KDM5A: variants seen among roughly 807,000 people sequenced by gnomAD.
KDM5A encodes lysine demethylase 5A, also known as lysine-specific demethylase 5A.
Under a neutral mutation model 193.5 loss-of-function variants are expected in KDM5A, and 42 were observed. That is an observed-to-expected ratio of 0.22 (90% CI 0.17 to 0.28). KDM5A has a LOEUF of 0.28. Ranked by LOEUF, KDM5A falls within the 10% of genes least tolerant of loss-of-function variation. KDM5A has a pLI of 1.00. For synonymous variants in KDM5A, 796 were observed against 718.1 expected (o/e 1.11, Z -1.73); for missense variants, 1,692 against 2,055.1 (o/e 0.82, Z 3.42).
intron 19 of KDM5A, among the ~76,000 whole-genome samples, chr12:314,551 G>T (rs1386223244): frequency 6.6e-6 from 1 of 152,016 alleles, no homozygotes; most frequent in Non-Finnish European, 1.5e-5. Flanking sequence ...GATGCTCTGT[G>T]GTAAGTGTAA....
Position 297,205 on chromosome 12 carries a change from AG to A in KDM5A, c.4075-6del, listed in dbSNP as rs1448972840. On this transcript the variant is annotated splice_region_variant and splice_polypyrimidine_tract_variant and intron_variant, in intron 24 of 27. Transcript: ENST00000399788. ...GGACTTCACACTGGCTGTGTCCTGAAGAAGAAACAAAGAGAAGTATTCAGAA... is the reference window on the plus strand; with the variant it reads ...GGACTTCACACTGGCTGTGTCCTGAAAAGAAACAAAGAGAAGTATTCAGAA... 1 of 1,613,750 alleles carries A rather than the reference AG, an allele frequency of 6.2e-7. No individual in the cohort carries two copies. Among genetic ancestry groups the A allele is most frequent in the Non-Finnish European group, 8.5e-7 (1 of 1,179,818 alleles).
Position 356,516 on chromosome 12 carries a change from T to G in KDM5A, c.694A>C (p.Arg232=). The part of the protein sequence containing the change: ...KTQSESGDVS[R]NTELKKLQIF... ...TGAAGTTTCTTCAGTTCCGTGTTTC[T>G]ACTCACATCTCCAGATTCTGACTAA... Residue 232 remains arginine, a synonymous_variant, in exon 6 of 28, where the codon AGA becomes CGA. Transcript: ENST00000399788. 6.2e-7 allele frequency: 1 copy of G among 1,612,218 alleles called. No homozygotes were observed. Among genetic ancestry groups the G allele is most frequent in the Non-Finnish European group, 8.5e-7 (1 of 1,178,224 alleles).
At chr12:310,280 C>T (rs1943566982) in intron 21 of KDM5A, among the ~76,000 whole-genome samples, 1 of 152,194 alleles carries the variant, frequency 6.6e-6, no homozygotes, top group Admixed American at 6.5e-5. Flanking sequence ...CTATGTTCAA[C>T]TGCTCAAGAT....
chr12:291,628 C>T (rs1943295492), intron 27 of KDM5A, among the ~76,000 whole-genome samples: 1 of 152,142 alleles, frequency 6.6e-6, no homozygotes, highest in Admixed American at 6.5e-5. Context: ...AACAGTGATG[C>T]AGTTTTATTT....
chr12:329,700 T>G (rs906404003), intron 13 of KDM5A, among the ~76,000 whole-genome samples: 1 of 152,158 alleles, frequency 6.6e-6, no homozygotes, highest in African/African-American at 2.4e-5. Context: ...AATAAATAAC[T>G]GATCACTTTT....
At position 282,514 on chromosome 12, in the gene KDM5A, T is replaced by A. The variant is rs1349535426; in HGVS notation, c.*2942A>T. 4.3e-6 allele frequency: 1 copy of A among 233,062 alleles called. No individual in the cohort carries two copies. Among genetic ancestry groups the A allele is most frequent in the Non-Finnish European group, 8.5e-6 (1 of 117,980 alleles). 14.4% of individuals were successfully genotyped at this position (233,062 alleles called of 1,614,324 possible). A position where few individuals can be genotyped will look rare whatever the true frequency, so the allele number is the denominator to read the frequency against. ...TACCTATCAGGAAGCAAAATAAACA[T>A]CTGTGGAAGAAAAATCTCCTGTCTT... On this transcript the variant is annotated 3_prime_UTR_variant, in exon 28 of 28. Coordinates refer to ENST00000399788, the MANE Select transcript of KDM5A (RefSeq NM_001042603.3).
intron 10 of KDM5A, among the ~76,000 whole-genome samples, chr12:342,984 T>C (rs1467296818): frequency 6.6e-6 from 1 of 152,148 alleles, no homozygotes; most frequent in Non-Finnish European, 1.5e-5. Flanking sequence ...CACCTCACCC[T>C]GGAAGAACAA....
In KDM5A at chr12:352,331, A is replaced by C. The variant is rs374627202; in HGVS notation, c.1030-7T>G. On this transcript the variant is annotated splice_polypyrimidine_tract_variant and splice_region_variant and intron_variant, in intron 8 of 27. Coordinates refer to ENST00000399788, the MANE Select transcript of KDM5A (RefSeq NM_001042603.3). ...CTCGAGGTTTGCTACATTCCTGGAA[A>C]GAAAAAATATGTAAGATTAACTTAC... is the stretch of plus-strand genomic sequence containing the variant. 5.0e-6 allele frequency: 8 copies of C among 1,612,784 alleles called. No individual in the cohort carries two copies. The highest frequency in any genetic ancestry group is 1.7e-5 in the Admixed American group (1 of 60,020).
intron 27 of KDM5A, among the ~76,000 whole-genome samples, chr12:291,351 T>C (rs1225778756): frequency 6.6e-6 from 1 of 152,220 alleles, no homozygotes; most frequent in Non-Finnish European, 1.5e-5. Flanking sequence ...TCATTTAGTT[T>C]TGGAATGTGT....
intron 8 of KDM5A, 81 bp from the exon 9 acceptor site, chr12:352,405 T>G: frequency 7.8e-7 from 1 of 1,287,718 alleles, no homozygotes; most frequent in Non-Finnish European, 1.1e-6. Context: ...CTAAATTCTT[T>G]GATCATTTCC....
intron 5 of KDM5A, among the ~76,000 whole-genome samples, chr12:359,107 T>TA: frequency 6.6e-6 from 1 of 151,886 alleles, no homozygotes; most frequent in African/African-American, 2.4e-5. Context: ...AGAATAAAAT[T>TA]AAACTCCCAA....
Position 295,628 on chromosome 12 carries a change from C to T in KDM5A, c.4400G>A (p.Arg1467Gln), listed in dbSNP as rs371387810. 13 of 1,613,930 alleles carry T rather than the reference C, an allele frequency of 8.1e-6. No homozygotes were observed. The highest frequency in any genetic ancestry group is 1.1e-5 in the Non-Finnish European group (13 of 1,180,008). Residue 1467 changes from arginine to glutamine, a missense_variant, in exon 26 of 28, where the codon CGG becomes CAG. Arg to Gln is a conservative substitution (Grantham distance 43, BLOSUM62 1). Around this residue, in one of 11 missense-constraint regions of KDM5A, gnomAD observed 965 missense variants for 1,061.0 expected, o/e 0.91. Coordinates refer to ENST00000399788, the MANE Select transcript of KDM5A (RefSeq NM_001042603.3). ...GGGTGGGTGTGTGGCCTGCAAAATC[C>T]GCCATATGTGTTGAGTCTCGTCCAG... ...VSLDETQHIW[R>Q]ILQATHPPSE...
intron 3 of KDM5A, among the ~76,000 whole-genome samples, chr12:379,374 TGAA>T (rs779916530): frequency 3.3e-5 from 5 of 152,182 alleles, no homozygotes; most frequent in Non-Finnish European, 7.3e-5. Flanking sequence ...ATTACCTTTG[TGAA>T]GAAGTATTGA....
rs1943354064 is a variant in KDM5A at position 295,266 on chromosome 12, A to AACGAAAAAGGAAAG, written c.4455+306_4455+307insCTTTCCTTTTTCGT. Among the ~76,000 whole-genome samples, 5 of 149,064 alleles carry AACGAAAAAGGAAAG rather than the reference A, an allele frequency of 3.4e-5. No individual in the cohort carries two copies. The Admixed American group carries it at 3.4e-4, about 10-fold the overall frequency. On this transcript the variant is annotated intron_variant, in intron 26 of 27. Coordinates refer to ENST00000399788, the MANE Select transcript of KDM5A (RefSeq NM_001042603.3). ...AAGGAAAGGGGAAAGGAGAAAGGGG[A>AACGAAAAAGGAAAG]AGGAAAAAGGAAAGGAAAGAAGAAA... is the stretch of plus-strand genomic sequence containing the variant.
chr12:348,950 C>T lies in KDM5A; in HGVS notation c.1308+1671G>A, dbSNP rs182632378. On this transcript the variant is annotated intron_variant, in intron 10 of 27. Transcript: ENST00000399788. ...AAAAAAAACCTTATGGTGTCAAACT[C>T]GTTATAGGGGGAAAAAACACGCATT... 4.8e-5 allele frequency among the ~76,000 whole-genome samples: 7 copies of T among 146,142 alleles called. No homozygotes were observed. In the East Asian group the frequency reaches 1.4e-3, roughly 29 times the overall value.
intron 10 of KDM5A, among the ~76,000 whole-genome samples, chr12:345,739 C>A (rs1944064114): frequency 6.6e-6 from 1 of 152,136 alleles, no homozygotes; most frequent in Non-Finnish European, 1.5e-5. Flanking sequence ...ACACAACATA[C>A]CAGAATCTCT....
At chr12:296,449 A>G (rs1271010695) in intron 25 of KDM5A, among the ~76,000 whole-genome samples, 1 of 152,208 alleles carries the variant, frequency 6.6e-6, no homozygotes, top group Non-Finnish European at 1.5e-5. Context: ...TTAAGCATTT[A>G]ATAAAGCATT....
In KDM5A at chr12:350,618, C is replaced by G; in HGVS notation, c.1308+3G>C. 3 of 1,613,934 alleles carry G rather than the reference C, an allele frequency of 1.9e-6. No homozygotes were observed. In the South Asian group the frequency reaches 3.3e-5, roughly 18 times the overall value. ...GTAAGCAAAAGTTTGGATAAATCTG[C>G]ACCTCTTCTTCTGGCAGAATCTTTC... On this transcript the variant is annotated splice_donor_region_variant and intron_variant, in intron 10 of 27. Coordinates refer to ENST00000399788, the MANE Select transcript of KDM5A (RefSeq NM_001042603.3).
At chr12:293,711 G>A (rs1051170663) in intron 26 of KDM5A, among the ~76,000 whole-genome samples, 4 of 147,806 alleles carry the variant, frequency 2.7e-5, no homozygotes, top group African/African-American at 1.0e-4. Flanking sequence ...CCCGGGAGGC[G>A]GAGGTTGCAG....
Sources: gnomAD v4.1 joint callset for allele counts (sites outside exome capture counted in the v4.1 genomes callset) on GRCh38, gnomAD v4.1.1 for gene constraint, gnomAD v4.1.1 regional missense constraint, MANE v1.5 for transcripts, NCBI Gene and HGNC (gene_info 2026-07-23, HGNC 2026-07-21) for gene names.